The following ETF1 variants were observed in gnomAD, a reference collection of about 807,000 sequenced individuals.
ETF1 encodes the protein eukaryotic peptide chain release factor subunit 1.
Under a neutral mutation model 55.1 loss-of-function variants are expected in ETF1, and 4 were observed. The observed-to-expected ratio is 0.07, with a 90% CI of 0.04 to 0.17. The LOEUF is 0.17. ETF1 is among the 10% of genes least tolerant of loss of function. The pLI, the probability that ETF1 is intolerant of heterozygous loss-of-function variation, is 1.00. For missense variants in ETF1, 142 were observed against 523.6 expected (o/e 0.27, Z 7.11); for synonymous variants, 157 against 182.3 (o/e 0.86, Z 1.12).
At chr5:138,521,758 GGCCTCAGGTGATCCCCCT>G in intron 2 of ETF1, among the ~76,000 whole-genome samples, 1 of 152,170 alleles carries the variant, frequency 6.6e-6, no homozygotes. Context: ...TCGAACTCCC[GGCCTCAGGTGATCCCCCT>G]GCCTCAGCCT....
At chr5:138,542,754 G>C (rs1766238834) in intron 2 of ETF1, 79 bp downstream of exon 2, 49 of 1,572,492 alleles carry the variant, frequency 3.1e-5, no homozygotes, top group Non-Finnish European at 4.2e-5. Context: ...CTCCTCATCC[G>C]GCCATGCGGC....
chr5:138,529,710 T>C (rs902610885), intron 2 of ETF1: 1 of 984,526 alleles, frequency 1.0e-6, no homozygotes, highest in Admixed American at 6.2e-5. Context: ...AAAAAGGAAT[T>C]GTAACAGAAC....
At chr5:138,530,104 T>C (rs887942925) in intron 2 of ETF1, among the ~76,000 whole-genome samples, 34 of 152,168 alleles carry the variant, frequency 2.2e-4, no homozygotes, top group African/African-American at 8.2e-4. Context: ...ACACTTCAGT[T>C]TGCATACCTC....
chr5:138,510,933 A>T, intron 8 of ETF1, 112 bp downstream of exon 8: 1 of 1,511,246 alleles, frequency 6.6e-7, no homozygotes, highest in East Asian at 2.3e-5. Flanking sequence ...CTGGGGAACA[A>T]TGGGTAGATC....
rs1243626323 is a variant in ETF1, at chr5:138,518,714, T to C, written c.240A>G (p.Gln80=). ...TACCTTTGTTATAAAGTTTGAGTCT[T>C]TGTTGTACAGATGTAATGGCTCCCA... ...SVLGAITSVQ[Q]RLKLYNKVPP... Residue 80 remains glutamine (Q), a synonymous_variant, in exon 3 of 11, where the codon CAA becomes CAG. Transcript: ENST00000360541. 7 of 1,613,630 alleles carry C rather than the reference T, an allele frequency of 4.3e-6. No individual in the cohort carries two copies. The highest frequency in any genetic ancestry group is 5.9e-6 in the Non-Finnish European group (7 of 1,179,616).
intron 2 of ETF1, among the ~76,000 whole-genome samples, chr5:138,536,722 A>G (rs1341992952): frequency 6.6e-6 from 1 of 152,216 alleles, no homozygotes; most frequent in Admixed American, 6.5e-5. Flanking sequence ...CCTACTCTTC[A>G]AATAGGATCG....
intron 2 of ETF1, among the ~76,000 whole-genome samples, chr5:138,524,383 T>C (rs1765368535): frequency 6.6e-6 from 1 of 151,412 alleles, no homozygotes; most frequent in Non-Finnish European, 1.5e-5. Context: ...AAAAATATAG[T>C]GAGACCTGTC....
chr5:138,518,609 G>A, intron 3 of ETF1, 83 bp downstream of exon 3: 1 of 1,175,656 alleles, frequency 8.5e-7, no homozygotes, highest in Non-Finnish European at 1.2e-6. Context: ...GGGAACATTA[G>A]TGAACAAAGC....
intron 2 of ETF1, among the ~76,000 whole-genome samples, chr5:138,530,690 C>CA (rs1444620235): frequency 6.6e-6 from 1 of 152,126 alleles, no homozygotes; most frequent in Non-Finnish European, 1.5e-5. Context: ...TCTCCTGCCT[C>CA]AGCCTCCCAA....
chr5:138,529,668 AG>A, intron 2 of ETF1: 1 of 985,094 alleles, frequency 1.0e-6, no homozygotes, highest in Non-Finnish European at 1.2e-6. Context: ...CTTCGCCCAG[AG>A]GGTTAACGTC....
chr5:138,518,239 C>G (rs1294570009), intron 3 of ETF1, among the ~76,000 whole-genome samples: 1 of 151,690 alleles, frequency 6.6e-6, no homozygotes, highest in Non-Finnish European at 1.5e-5. Context: ...GAGACAACGC[C>G]TCACTCTGTC....
chr5:138,523,558 T>C (rs1765328952), intron 2 of ETF1, among the ~76,000 whole-genome samples: 1 of 152,050 alleles, frequency 6.6e-6, no homozygotes, highest in Admixed American at 6.5e-5. Context: ...ACATATTGTA[T>C]AGTTCCATTT....
intron 2 of ETF1, among the ~76,000 whole-genome samples, chr5:138,541,249 T>C: frequency 6.6e-6 from 1 of 152,224 alleles, no homozygotes; most frequent in East Asian, 1.9e-4. Flanking sequence ...TTCTGTACAG[T>C]ATTCTCACAT....
Position 138,513,706 on chromosome 5 carries a change from C to T in ETF1, c.403G>A (p.Ala135Thr), listed in dbSNP as rs775154168. 1 of 1,596,152 alleles carries T rather than the reference C, an allele frequency of 6.3e-7. No individual in the cohort carries two copies. The highest frequency in any genetic ancestry group is 1.3e-5 in the African/African-American group (1 of 74,672). The change falls in exon 5 of 11, where the codon GCT (alanine) becomes ACT (threonine). Residue 135 changes from alanine to threonine, a missense_variant and splice_region_variant. Physicochemically the swap from Ala to Thr is moderately conservative, Grantham distance 58 (BLOSUM62 0). Transcript: ENST00000360541. ...YLCDNKFHTE[A>T]LTALLSDDSK... Reference sequence around the variant, plus strand: ...TCATCTGAAAGTAGTGCTGTAAGAGCCTGAAAAGCAAACACAAGTACCACA... The same window carrying T: ...TCATCTGAAAGTAGTGCTGTAAGAGTCTGAAAAGCAAACACAAGTACCACA...
At chr5:138,508,418 T>G (rs1187151913) in intron 10 of ETF1, 31 bp from the exon 11 acceptor site, 2 of 1,611,924 alleles carry the variant, frequency 1.2e-6, no homozygotes, top group Non-Finnish European at 8.5e-7. Context: ...GTAAATTACC[T>G]GTGTTCATGG....
chr5:138,527,692 G>C (rs1012633255), intron 2 of ETF1, among the ~76,000 whole-genome samples: 1 of 152,078 alleles, frequency 6.6e-6, no homozygotes, highest in Non-Finnish European at 1.5e-5. Flanking sequence ...GAAAACACTT[G>C]AGTACCAATT....
At chr5:138,525,059 AG>A (rs1331700893) in intron 2 of ETF1, among the ~76,000 whole-genome samples, 3 of 152,090 alleles carry the variant, frequency 2.0e-5, no homozygotes, top group Non-Finnish European at 4.4e-5. Flanking sequence ...CCCCCATAAA[AG>A]CCAAAGCATG....
At chr5:138,525,931 T>TGA (rs1765451877) in intron 2 of ETF1, among the ~76,000 whole-genome samples, 1 of 121,378 alleles carries the variant, frequency 8.2e-6, no homozygotes, top group Non-Finnish European at 1.6e-5. Flanking sequence ...GGCAACAGAG[T>TGA]GAGACTCTGT....
chr5:138,517,365 C>T (rs753167442), intron 4 of ETF1, among the ~76,000 whole-genome samples, 196 bp downstream of exon 4: 6 of 148,864 alleles, frequency 4.0e-5, no homozygotes, highest in South Asian at 2.1e-4. Context: ...AGCGAGACTC[C>T]GTCTAAAAAA....
Sources: allele counts gnomAD v4.1 joint callset (sites outside exome capture counted in the v4.1 genomes callset), GRCh38; gene constraint gnomAD v4.1.1; transcripts MANE v1.5; gene names NCBI Gene and HGNC (gene_info 2026-07-23, HGNC 2026-07-21).